The following PGCKA1 variants were observed in gnomAD, a reference collection of about 807,000 sequenced individuals.
The protein encoded by PGCKA1 is PDCD10 and GCKIII kinases-associated protein 1.
chr4:37,551,953 C>CT, the PGCKA1 span, among the ~76,000 whole-genome samples: 2 of 152,082 alleles, frequency 1.3e-5, no homozygotes, highest in Non-Finnish European at 2.9e-5. Flanking sequence ...AGAACTCCCA[C>CT]TAATAAAAAG....
At chr4:37,564,286 A>G in the PGCKA1 span, among the ~76,000 whole-genome samples, 7 of 142,348 alleles carry the variant, frequency 4.9e-5, no homozygotes, top group African/African-American at 1.8e-4. Context: ...AAAAAAAAAA[A>G]AAAAGAAAGA....
At chr4:37,503,113 C>T in the PGCKA1 span, among the ~76,000 whole-genome samples, 3 of 152,184 alleles carry the variant, frequency 2.0e-5, no homozygotes, top group Non-Finnish European at 2.9e-5. Flanking sequence ...TACCACTTCT[C>T]TTAGCAGCTC....
At chr4:37,465,665 G>A in the PGCKA1 span, among the ~76,000 whole-genome samples, 1 of 152,076 alleles carries the variant, frequency 6.6e-6, no homozygotes, top group Non-Finnish European at 1.5e-5. Flanking sequence ...CCCTCTCAGT[G>A]GATGTTAAAA....
the PGCKA1 span, among the ~76,000 whole-genome samples, chr4:37,585,178 A>G: frequency 3.1e-5 from 1 of 31,860 alleles, no homozygotes; most frequent in Admixed American, 4.2e-4. Flanking sequence ...AGGAGGGGAG[A>G]GGAGAGGGGA....
the PGCKA1 span, among the ~76,000 whole-genome samples, chr4:37,515,742 G>A: frequency 1.3e-5 from 2 of 152,062 alleles, no homozygotes; most frequent in African/African-American, 4.8e-5. Flanking sequence ...CTTCTACACT[G>A]GCAGAATGCT....
At chr4:37,547,992 G>T in the PGCKA1 span, among the ~76,000 whole-genome samples, 515 of 133,906 alleles carry the variant, frequency 3.8e-3, 4 homozygotes, top group African/African-American at 0.014. Context: ...AAAAAAAAAT[G>T]GTTATCTTCA....
the PGCKA1 span, among the ~76,000 whole-genome samples, chr4:37,480,579 A>G: frequency 6.6e-6 from 1 of 152,216 alleles, no homozygotes; most frequent in Non-Finnish European, 1.5e-5. Context: ...CTAAGAGTAT[A>G]TATTTGTTTT....
chr4:37,508,025 T>C, the PGCKA1 span, among the ~76,000 whole-genome samples: 1 of 152,200 alleles, frequency 6.6e-6, no homozygotes, highest in Non-Finnish European at 1.5e-5. Context: ...CTGTGAAGTT[T>C]CCTCTGAAAA....
chr4:37,495,256 G>A, the PGCKA1 span, among the ~76,000 whole-genome samples: 18 of 152,324 alleles, frequency 1.2e-4, no homozygotes, highest in East Asian at 3.5e-3. Context: ...AGGATGTGGA[G>A]AAATAGGAAC....
the PGCKA1 span, among the ~76,000 whole-genome samples, chr4:37,488,063 A>T: frequency 2.6e-5 from 4 of 152,142 alleles, no homozygotes; most frequent in Admixed American, 2.6e-4. Context: ...GGAGTGGAAA[A>T]TTGCTAGGTC....
At chr4:37,502,243 G>A in the PGCKA1 span, among the ~76,000 whole-genome samples, 8 of 152,204 alleles carry the variant, frequency 5.3e-5, no homozygotes, top group African/African-American at 1.4e-4. Context: ...GGTGCATGAC[G>A]CATGCCTGTC....
the PGCKA1 span, among the ~76,000 whole-genome samples, chr4:37,490,764 T>C: frequency 2.1e-3 from 315 of 152,254 alleles, 1 homozygote; most frequent in African/African-American, 7.4e-3. Context: ...GTATAATACA[T>C]ACCAAATTTT....
At chr4:37,563,602 G>A in the PGCKA1 span, among the ~76,000 whole-genome samples, 386 of 152,122 alleles carry the variant, frequency 2.5e-3, 1 homozygote, top group African/African-American at 8.8e-3. Flanking sequence ...TGTGAATTTG[G>A]GGGAAGACAC....
At chr4:37,458,164 G>C in the PGCKA1 span, among the ~76,000 whole-genome samples, 1 of 152,090 alleles carries the variant, frequency 6.6e-6, no homozygotes, top group Admixed American at 6.5e-5. Context: ...TAATTGATTT[G>C]TCCAAAGTCA....
At chr4:37,461,540 G>A in the PGCKA1 span, among the ~76,000 whole-genome samples, 1 of 151,890 alleles carries the variant, frequency 6.6e-6, no homozygotes, top group Admixed American at 6.6e-5. Flanking sequence ...TTACATGAGG[G>A]TGGAGGAGCT....
chr4:37,491,381 CTA>C, the PGCKA1 span, among the ~76,000 whole-genome samples: 1 of 152,194 alleles, frequency 6.6e-6, no homozygotes, highest in African/African-American at 2.4e-5. Flanking sequence ...ATTATTATGA[CTA>C]TATGTGATAT....
chr4:37,492,675 A>G, the PGCKA1 span, among the ~76,000 whole-genome samples: 1 of 152,180 alleles, frequency 6.6e-6, no homozygotes, highest in African/African-American at 2.4e-5. The surrounding 1 kb of genome is among the most constrained non-coding windows in gnomAD (Gnocchi z 4.7). Flanking sequence ...CCCAATTCAG[A>G]AACCTTCTGG....
the PGCKA1 span, among the ~76,000 whole-genome samples, chr4:37,587,493 T>C: frequency 6.6e-6 from 1 of 152,206 alleles, no homozygotes. Context: ...ACCAGTCATA[T>C]TCACTGTGGA....
At chr4:37,570,427 G>GA in the PGCKA1 span, among the ~76,000 whole-genome samples, 1 of 45,164 alleles carries the variant, frequency 2.2e-5, no homozygotes, top group Admixed American at 3.0e-4. Flanking sequence ...AAATGTTTCT[G>GA]CCAAAAAAAA....
Sources: allele counts gnomAD v4.1 joint callset (sites outside exome capture counted in the v4.1 genomes callset), GRCh38; gene constraint gnomAD v4.1.1; non-coding constraint Gnocchi (gnomAD v3.1); transcripts MANE v1.5; gene names NCBI Gene and HGNC (gene_info 2026-07-23, HGNC 2026-07-21).